Variants in CD2 observed in about 807,000 individuals in gnomAD.
CD2 encodes the protein CD2 molecule.
CD2 carries 18 observed loss-of-function variants against 23.2 expected under a neutral mutation model. That is an observed-to-expected ratio of 0.77 (90% CI 0.54 to 1.15). The LOEUF is 1.15. Ranked by LOEUF, CD2 falls within the 50% of genes most tolerant of loss-of-function variation. The probability of loss-of-function intolerance (pLI) is 0.00; values close to 1 mark genes in which losing one functional copy is unlikely to be tolerated. For missense variants in CD2, 424 were observed against 423.1 expected (o/e 1.00, Z -0.02); for synonymous variants, 162 against 151.9 (o/e 1.07, Z -0.49).
rs1652319889 is a variant in CD2 at position 116,769,108 on chromosome 1, G to C, written c.*325G>C. 3.9e-6 allele frequency: 1 copy of C among 255,964 alleles called. No homozygotes were observed. The highest frequency in any genetic ancestry group is 2.3e-5 in the African/African-American group (1 of 44,338). The allele number at this position is 255,964 out of a possible 1,614,324, so 15.9% of individuals were successfully genotyped here. Reference sequence around the variant, plus strand: ...GTAGATGCGATAAATCAAGTGATTGGTGTGCCTGGGTCTCACTACAAGCAG... The same window carrying C: ...GTAGATGCGATAAATCAAGTGATTGCTGTGCCTGGGTCTCACTACAAGCAG... On this transcript the variant is annotated 3_prime_UTR_variant, in exon 5 of 5. Coordinates refer to ENST00000369478, the MANE Select transcript of CD2 (RefSeq NM_001767.5).
At chr1:116,755,094 A>C in intron 2 of CD2, 143 bp downstream of exon 2, 1 of 637,474 alleles carries the variant, frequency 1.6e-6, no homozygotes, top group Non-Finnish European at 2.8e-6. Flanking sequence ...CTCCTGCCCC[A>C]GTGGAGACTG....
At chr1:116,755,639 AT>A (rs1044078228) in intron 2 of CD2, among the ~76,000 whole-genome samples, 3 of 151,796 alleles carry the variant, frequency 2.0e-5, no homozygotes, top group Admixed American at 6.6e-5. Flanking sequence ...ATTAAATCAG[AT>A]TTTTTTTGCA....
chr1:116,764,710 G>A (rs377282549), intron 4 of CD2, 104 bp downstream of exon 4: 41 of 869,100 alleles, frequency 4.7e-5, no homozygotes, highest in South Asian at 7.3e-5. Context: ...ATGGAAATAG[G>A]TAGTTTCGGA....
intron 2 of CD2, among the ~76,000 whole-genome samples, chr1:116,759,181 A>G (rs1651956041): frequency 6.6e-6 from 1 of 152,160 alleles, no homozygotes; most frequent in South Asian, 2.1e-4. Context: ...GATAATTTCC[A>G]TTTTCTTCCT....
intron 3 of CD2, 63 bp from the exon 4 acceptor site, chr1:116,764,421 G>T: frequency 6.3e-7 from 1 of 1,581,260 alleles, no homozygotes; most frequent in Non-Finnish European, 8.6e-7. Context: ...AGCATCCTTG[G>T]CCAGAGTAAT....
chr1:116,762,674 A>C (rs1338286709), intron 3 of CD2, among the ~76,000 whole-genome samples: 1 of 152,210 alleles, frequency 6.6e-6, no homozygotes, highest in African/African-American at 2.4e-5. Context: ...ATAATTTGTC[A>C]CATAAACTCA....
intron 4 of CD2, 88 bp downstream of exon 4, chr1:116,764,694 A>G (rs1358108107): frequency 1.0e-6 from 1 of 960,140 alleles, no homozygotes; most frequent in East Asian, 2.4e-5. Context: ...ATCTGCAGAG[A>G]AAATGATGGA....
chr1:116,762,194 A>G (rs762663626), intron 3 of CD2, among the ~76,000 whole-genome samples: 1 of 152,208 alleles, frequency 6.6e-6, no homozygotes, highest in African/African-American at 2.4e-5. Context: ...TACGTTTCAG[A>G]TATTGCATGG....
In CD2 at chr1:116,768,820, G is replaced by A; in HGVS notation, c.*37G>A. On this transcript the variant is annotated 3_prime_UTR_variant, in exon 5 of 5. Coordinates refer to ENST00000369478, the MANE Select transcript of CD2 (RefSeq NM_001767.5). ...ACTGTCTTTTTCAATAAAAAGCACT[G>A]TGGATTTCTGCCCTCCTGATGTGCA... 1 of 1,564,480 alleles carries A rather than the reference G, an allele frequency of 6.4e-7. No individual in the cohort carries two copies. The highest frequency in any genetic ancestry group is 8.7e-7 in the Non-Finnish European group (1 of 1,151,908).
intron 2 of CD2, among the ~76,000 whole-genome samples, chr1:116,756,525 G>A (rs1170164573): frequency 6.6e-6 from 1 of 152,092 alleles, no homozygotes; most frequent in East Asian, 1.9e-4. Flanking sequence ...CAGGAGCAAA[G>A]TCAGGATTCA....
Position 116,764,492 on chromosome 1 carries a change from C to G in CD2, c.622C>G (p.Leu208Val). Residue 208 changes from leucine (L) to valine (V), a missense_variant, in exon 4 of 5, where the codon CTG (leucine) becomes GTG (valine). Coordinates refer to ENST00000369478, the MANE Select transcript of CD2 (RefSeq NM_001767.5). ...TTCTCTTCCTTTTGCAGAGAAAGGTCTGGACATCTATCTCATCATTGGCAT... is the reference window on the plus strand; with the variant it reads ...TTCTCTTCCTTTTGCAGAGAAAGGTGTGGACATCTATCTCATCATTGGCAT... ...VEPVSCPEKG[L>V]DIYLIIGICG... The G allele has an allele frequency of 6.2e-7, 1 of 1,614,012 alleles. No individual in the cohort carries two copies. The highest frequency in any genetic ancestry group is 8.5e-7 in the Non-Finnish European group (1 of 1,179,924).
At chr1:116,759,318 G>A (rs1557916484) in intron 2 of CD2, among the ~76,000 whole-genome samples, 1 of 152,094 alleles carries the variant, frequency 6.6e-6, no homozygotes, top group Non-Finnish European at 1.5e-5. Flanking sequence ...GTGTCTGGAA[G>A]TCAGAGTGGG....
intron 2 of CD2, among the ~76,000 whole-genome samples, chr1:116,759,687 C>T (rs952470727): frequency 6.6e-6 from 1 of 152,180 alleles, no homozygotes; most frequent in Non-Finnish European, 1.5e-5. Context: ...TTTTCTGATC[C>T]TTTTCTGATG....
intron 4 of CD2, among the ~76,000 whole-genome samples, chr1:116,768,130 T>A (rs1161627371): frequency 1.3e-5 from 2 of 152,192 alleles, no homozygotes; most frequent in Non-Finnish European, 2.9e-5. Flanking sequence ...AGGTTCTTGC[T>A]CTCAGGGAAC....
chr1:116,757,203 G>A (rs1015226123), intron 2 of CD2, among the ~76,000 whole-genome samples: 2 of 151,998 alleles, frequency 1.3e-5, no homozygotes, highest in African/African-American at 4.8e-5. Flanking sequence ...CGCCATGTTG[G>A]TCAGGCTGGT....
intron 4 of CD2, among the ~76,000 whole-genome samples, chr1:116,767,487 A>G (rs989338675): frequency 1.3e-5 from 2 of 151,534 alleles, no homozygotes; most frequent in Non-Finnish European, 2.9e-5. Flanking sequence ...GCTACTCAGG[A>G]GGCCGAGGCA....
At chr1:116,757,353 G>T (rs1651887188) in intron 2 of CD2, among the ~76,000 whole-genome samples, 1 of 152,092 alleles carries the variant, frequency 6.6e-6, no homozygotes, top group Admixed American at 6.6e-5. Flanking sequence ...GGGAGTTGCT[G>T]CTGCAGGCTG....
In CD2 at chr1:116,760,443, A is replaced by G; in HGVS notation, c.424A>G (p.Thr142Ala). The G allele has an allele frequency of 1.2e-6, 2 of 1,614,212 alleles. No homozygotes were observed. The highest frequency in any genetic ancestry group is 1.3e-5 in the African/African-American group (1 of 75,044). ...AAAGATCTCCTGGACTTGTATCAACACAACCCTGACCTGTGAGGTAATGAA... is the reference window on the plus strand; with the variant it reads ...AAAGATCTCCTGGACTTGTATCAACGCAACCCTGACCTGTGAGGTAATGAA... The part of the protein sequence containing the change: ...KPKISWTCIN[T>A]TLTCEVMNGT... The change falls in exon 3 of 5, where the codon ACA (threonine) becomes GCA (alanine). Residue 142 changes from threonine to alanine, a missense_variant. Coordinates refer to ENST00000369478, the MANE Select transcript of CD2 (RefSeq NM_001767.5).
At chr1:116,761,130 G>C (rs1174357386) in intron 3 of CD2, among the ~76,000 whole-genome samples, 28 of 152,140 alleles carry the variant, frequency 1.8e-4, no homozygotes, top group Admixed American at 1.8e-3. Context: ...GAGGACTGTG[G>C]ACAGCAAGGC....
Sources: gnomAD v4.1 joint callset for allele counts (sites outside exome capture counted in the v4.1 genomes callset) on GRCh38, gnomAD v4.1.1 for gene constraint, MANE v1.5 for transcripts, NCBI Gene and HGNC (gene_info 2026-07-23, HGNC 2026-07-21) for gene names.